Variants in TSPAN5 observed in about 807,000 individuals in gnomAD.
The protein encoded by TSPAN5 is tetraspanin 5, also known as tetraspanin-5.
In TSPAN5, 10 loss-of-function variants were observed where a neutral mutation model predicts 37.1. The observed-to-expected ratio is 0.27, with a 90% CI of 0.17 to 0.46. TSPAN5 has a LOEUF of 0.46. Among genes scored for constraint, TSPAN5 ranks in the 20% least tolerant of loss-of-function variants. The pLI, the probability that TSPAN5 is intolerant of heterozygous loss-of-function variation, is 1.00. For synonymous variants in TSPAN5, 110 were observed against 118.9 expected (o/e 0.93, Z 0.48); for missense variants, 195 against 326.6 (o/e 0.60, Z 3.11).
intron 1 of TSPAN5, among the ~76,000 whole-genome samples, chr4:98,542,634 G>A (rs944275864): frequency 6.7e-6 from 1 of 149,780 alleles, no homozygotes; most frequent in African/African-American, 2.5e-5. Context: ...CAGGAGGATC[G>A]TTTGAGCCCA....
chr4:98,509,064 T>C (rs1368014127), intron 1 of TSPAN5, among the ~76,000 whole-genome samples: 1 of 152,208 alleles, frequency 6.6e-6, no homozygotes, highest in African/African-American at 2.4e-5. Context: ...GGACTGTGTG[T>C]AATTGGCCAT....
At chr4:98,482,678 T>G (rs2065859673) in intron 3 of TSPAN5, 1 of 153,328 alleles carries the variant, frequency 6.5e-6, no homozygotes, top group Non-Finnish European at 1.5e-5. Context: ...GCACCTGCTA[T>G]ACAGGGTAAA....
chr4:98,640,002 G>C (rs1489195114), intron 1 of TSPAN5, among the ~76,000 whole-genome samples: 1 of 152,136 alleles, frequency 6.6e-6, no homozygotes, highest in African/African-American at 2.4e-5. Context: ...CTTAGGGAAG[G>C]GAGGGAGCTT....
chr4:98,502,130 G>A (rs1001758755), intron 2 of TSPAN5, among the ~76,000 whole-genome samples: 3 of 152,166 alleles, frequency 2.0e-5, no homozygotes, highest in South Asian at 2.1e-4. Flanking sequence ...TTTCTTTACC[G>A]CAATTGGGAA....
chr4:98,603,538 C>T (rs183681427), intron 1 of TSPAN5, among the ~76,000 whole-genome samples: 107 of 152,260 alleles, frequency 7.0e-4, no homozygotes, highest in Admixed American at 1.8e-3. Context: ...CTTGGATACA[C>T]CAATGCCACT....
At chr4:98,504,202 A>G (rs10023791) in intron 2 of TSPAN5, among the ~76,000 whole-genome samples, 85,880 of 152,012 alleles carry the variant, frequency 0.56, 26,176 homozygotes, top group African/African-American at 0.8. Context: ...GCTATGATCC[A>G]GTTTGGGGAT....
chr4:98,596,714 A>T (rs34383416), intron 1 of TSPAN5, among the ~76,000 whole-genome samples: 28,012 of 50,582 alleles, frequency 0.55, 8,187 homozygotes, highest in African/African-American at 0.65. Flanking sequence ...TTGGCCGGAT[A>T]TGAAATTCTG....
At chr4:98,572,455 G>T (rs902003085) in intron 1 of TSPAN5, among the ~76,000 whole-genome samples, 1 of 152,196 alleles carries the variant, frequency 6.6e-6, no homozygotes, top group Admixed American at 6.5e-5. Flanking sequence ...AGGGGCCAGG[G>T]TCACAGCACA....
chr4:98,567,852 C>A (rs846007), intron 1 of TSPAN5, among the ~76,000 whole-genome samples: 101,779 of 151,944 alleles, frequency 0.67, 35,479 homozygotes, highest in Non-Finnish European at 0.78. Context: ...CCAATATAGC[C>A]GTGGGTACTG....
chr4:98,581,457 T>C (rs1271380251), intron 1 of TSPAN5, among the ~76,000 whole-genome samples: 1 of 152,212 alleles, frequency 6.6e-6, no homozygotes, highest in Non-Finnish European at 1.5e-5. Context: ...CTCAGCACTT[T>C]CTAAACGCCC....
Position 98,477,095 on chromosome 4 carries a change from G to C in TSPAN5, c.577-635C>G, listed in dbSNP as rs556363849. ...GCTAGCTCTGCCCAGAGGATCTGTA[G>C]GTGAAAGGGGAAGCATTAATGCCTC... On this transcript the variant is annotated intron_variant, in intron 5 of 7. Transcript: ENST00000305798. Among the ~76,000 whole-genome samples, 3 of 152,328 alleles carry C rather than the reference G, an allele frequency of 2.0e-5. No individual in the cohort carries two copies. In the East Asian group the frequency reaches 5.8e-4, roughly 29 times the overall value.
At chr4:98,564,430 A>G (rs1754951624) in intron 1 of TSPAN5, among the ~76,000 whole-genome samples, 1 of 152,234 alleles carries the variant, frequency 6.6e-6, no homozygotes, top group African/African-American at 2.4e-5. Flanking sequence ...AATAAATGCA[A>G]TTCTGGCAGT....
intron 1 of TSPAN5, among the ~76,000 whole-genome samples, chr4:98,592,110 T>A (rs1755648097): frequency 6.6e-6 from 1 of 151,502 alleles, no homozygotes; most frequent in Non-Finnish European, 1.5e-5. Flanking sequence ...GATACACTTT[T>A]CAATAAATAG....
At chr4:98,498,947 G>A (rs1383403487) in intron 2 of TSPAN5, among the ~76,000 whole-genome samples, 1 of 152,188 alleles carries the variant, frequency 6.6e-6, no homozygotes, top group Non-Finnish European at 1.5e-5. Context: ...GGACAGCACG[G>A]AAGAGGTGGC....
At chr4:98,583,299 G>A (rs1207554709) in intron 1 of TSPAN5, among the ~76,000 whole-genome samples, 1 of 151,958 alleles carries the variant, frequency 6.6e-6, no homozygotes, top group East Asian at 1.9e-4. Flanking sequence ...TTAAAATGCA[G>A]GTTTGTTACA....
chr4:98,519,238 C>G (rs985779197), intron 1 of TSPAN5, among the ~76,000 whole-genome samples: 1 of 152,158 alleles, frequency 6.6e-6, no homozygotes, highest in Non-Finnish European at 1.5e-5. Context: ...AGTCTGTAGT[C>G]CCAGCACTTT....
At chr4:98,610,812 T>G (rs1213576194) in intron 1 of TSPAN5, among the ~76,000 whole-genome samples, 1 of 152,102 alleles carries the variant, frequency 6.6e-6, no homozygotes, top group Admixed American at 6.5e-5. Flanking sequence ...CGAGGACTAA[T>G]GTGGTAGTCA....
Position 98,472,337 on chromosome 4 carries a change from T to TAAAAAAAGCATC in TSPAN5, c.*184_*185insGATGCTTTTTTT. ...GCAACGACTTTCATACTGGTTATTT[T>TAAAAAAAGCATC]TTTTTTTAATTCTGTCAGTGAGCAG... On this transcript the variant is annotated 3_prime_UTR_variant, in exon 8 of 8. Coordinates refer to ENST00000305798, the MANE Select transcript of TSPAN5 (RefSeq NM_005723.4). 2.1e-6 allele frequency: 1 copy of TAAAAAAAGCATC among 483,460 alleles called. No homozygotes were observed. The allele number at this position is 483,460 out of a possible 1,614,324, so 29.9% of individuals were successfully genotyped here. A position where few individuals can be genotyped will look rare whatever the true frequency, so the allele number is the denominator to read the frequency against.
chr4:98,630,074 C>A (rs1344481980), intron 1 of TSPAN5, among the ~76,000 whole-genome samples: 1 of 152,148 alleles, frequency 6.6e-6, no homozygotes, highest in Non-Finnish European at 1.5e-5. Flanking sequence ...CAGAGATGGG[C>A]CCTGTCCTGA....
Sources: gnomAD v4.1 joint callset for allele counts (sites outside exome capture counted in the v4.1 genomes callset) on GRCh38, gnomAD v4.1.1 for gene constraint, MANE v1.5 for transcripts, NCBI Gene and HGNC (gene_info 2026-07-23, HGNC 2026-07-21) for gene names.